The following PWWP2B variants were observed in gnomAD, a reference collection of about 807,000 sequenced individuals.
PWWP2B encodes PWWP domain containing 2B, also known as PWWP domain-containing protein 2B.
Under a neutral mutation model 15.5 loss-of-function variants are expected in PWWP2B, and 9 were observed. That is an observed-to-expected ratio of 0.58 (90% CI 0.35 to 1.02). PWWP2B has a LOEUF of 1.02. PWWP2B is among the 50% of genes least tolerant of loss of function. The pLI is 0.02. For synonymous variants in PWWP2B, 474 were observed against 403.6 expected (o/e 1.17, Z -2.09); for missense variants, 864 against 865.3 (o/e 1.00, Z 0.02).
intron 1 of PWWP2B, among the ~76,000 whole-genome samples, chr10:132,401,214 C>T (rs1356906569): frequency 3.9e-5 from 6 of 152,198 alleles, no homozygotes; most frequent in Admixed American, 6.5e-5. Flanking sequence ...GTGGCACTGG[C>T]GTACTTTTTG....
intron 2 of PWWP2B, among the ~76,000 whole-genome samples, chr10:132,406,743 G>A (rs188903363): frequency 2.0e-5 from 3 of 152,244 alleles, no homozygotes; most frequent in Admixed American, 6.5e-5. Context: ...CCTCCTGCAC[G>A]CGGATAGGCC....
chr10:132,405,322 C>T lies in PWWP2B; in HGVS notation c.822C>T (p.His274=), dbSNP rs199860315. 4.7e-5 allele frequency: 76 copies of T among 1,612,182 alleles called. No individual in the cohort carries two copies. In the East Asian group the frequency reaches 1.4e-3, roughly 31 times the overall value. Residue 274 remains histidine, a synonymous_variant, in exon 2 of 3, where the codon CAC becomes CAT. Transcript: ENST00000305233. ...TGGTCAAGATCCCCTCCCGCGTGCA[C>T]GGCTCTCTGGAGCCCTTCCGTCCCC... ...GEVVKIPSRV[H]GSLEPFRPQQ...
At chr10:132,415,751 A>ATG (rs1363940943) in intron 2 of PWWP2B, among the ~76,000 whole-genome samples, 1 of 152,020 alleles carries the variant, frequency 6.6e-6, no homozygotes, top group South Asian at 2.1e-4. Context: ...CCACACACAC[A>ATG]CAATGTTTGG....
intron 2 of PWWP2B, among the ~76,000 whole-genome samples, chr10:132,413,282 A>G (rs2069805454): frequency 6.6e-6 from 1 of 152,276 alleles, no homozygotes; most frequent in Admixed American, 6.5e-5. Flanking sequence ...ATATAACAAC[A>G]TAATGTCACA....
At chr10:132,397,416 G>A in intron 1 of PWWP2B, 65 bp downstream of exon 1, 1 of 1,152,536 alleles carries the variant, frequency 8.7e-7, no homozygotes, top group Non-Finnish European at 1.1e-6. Context: ...CCGCCGCCCG[G>A]AGACCCGGGA....
Position 132,404,801 on chromosome 10 carries a change from C to T in PWWP2B, c.301C>T (p.Pro101Ser). Residue 101 changes from proline to serine, a missense_variant, in exon 2 of 3, where the codon CCA (proline) becomes TCA (serine). This residue lies in a region of PWWP2B where 736 missense variants were observed against 687.7 expected (regional missense o/e 1.07). Transcript: ENST00000305233. ...VQPPETTRPE[P>S]PPPLVPPLPA... ...GCCCCCCGAGACCACCCGCCCCGAG[C>T]CACCCCCGCCCCTCGTGCCGCCGCT... 1 of 1,478,160 alleles carries T rather than the reference C, an allele frequency of 6.8e-7. No homozygotes were observed. Among genetic ancestry groups the T allele is most frequent in the South Asian group, 1.2e-5 (1 of 85,590 alleles). 91.6% of individuals were successfully genotyped at this position (1,478,160 alleles called of 1,614,324 possible).
Position 132,404,982 on chromosome 10 carries a change from CG to C in PWWP2B, c.486del (p.Arg163AlafsTer23). On this transcript the variant is annotated frameshift_variant, in exon 2 of 3. Transcript: ENST00000305233. LOFTEE classifies it high-confidence loss of function. ...CGGCGTCTGTCCCGCAACCGCGACCCGGGGCGCCTCATCCTCAGCACCATCC... is the reference window on the plus strand; with the variant it reads ...CGGCGTCTGTCCCGCAACCGCGACCCGGGCGCCTCATCCTCAGCACCATCC... ...TRRRLSRNRD[P>X]GRLILSTIRL... 1.9e-6 allele frequency: 3 copies of C among 1,573,088 alleles called. 1 individual carries two copies. The highest frequency in any genetic ancestry group is 2.6e-6 in the Non-Finnish European group (3 of 1,167,218).
At position 132,406,070 on chromosome 10, in the gene PWWP2B, C is replaced by A; in HGVS notation, c.1570C>A (p.Arg524=). 6.2e-7 allele frequency: 1 copy of A among 1,613,608 alleles called. No individual in the cohort carries two copies. Among genetic ancestry groups the A allele is most frequent in the Non-Finnish European group, 8.5e-7 (1 of 1,179,818 alleles). The part of the protein sequence containing the change: ...GQKEDGEPSW[R]EAKVSWFGSP... ...GAAGGAGGACGGAGAGCCGTCTTGG[C>A]GAGAAGCGAAGGTCTCGTGGTTTGG... Residue 524 remains arginine (R), a synonymous_variant, in exon 2 of 3, where the codon CGA becomes AGA. Transcript: ENST00000305233.
chr10:132,413,868 A>G (rs918098499), intron 2 of PWWP2B, among the ~76,000 whole-genome samples: 9 of 152,178 alleles, frequency 5.9e-5, no homozygotes, highest in Non-Finnish European at 4.4e-5. Context: ...TGGCCCAGGC[A>G]GGGAGGTGCT....
chr10:132,403,965 C>T (rs763281741), intron 1 of PWWP2B, among the ~76,000 whole-genome samples: 9 of 147,436 alleles, frequency 6.1e-5, no homozygotes, highest in African/African-American at 7.5e-5. Flanking sequence ...CCCAGACACA[C>T]GTCATGCACC....
chr10:132,409,584 G>A (rs1189829654), intron 2 of PWWP2B, among the ~76,000 whole-genome samples: 2 of 152,158 alleles, frequency 1.3e-5, no homozygotes, highest in African/African-American at 4.8e-5. Context: ...TCCTGCCCCT[G>A]TCCAGGCTCA....
chr10:132,402,994 G>A (rs549682824), intron 1 of PWWP2B, among the ~76,000 whole-genome samples: 3 of 152,372 alleles, frequency 2.0e-5, no homozygotes, highest in East Asian at 1.9e-4. Context: ...GGCACCGCCC[G>A]GGACTGGCCT....
rs569093934 is a variant in PWWP2B, at chr10:132,409,091, C to T, written c.*16+2802C>T. 6.6e-5 allele frequency among the ~76,000 whole-genome samples: 10 copies of T among 152,360 alleles called. No individual in the cohort carries two copies. The South Asian group carries it at 2.1e-3, about 32-fold the overall frequency. On this transcript the variant is annotated intron_variant, in intron 2 of 2. Coordinates refer to ENST00000305233, the MANE Select transcript of PWWP2B (RefSeq NM_138499.4). ...ACCTGCTGTTGCGGTCTCAGGGAGCCAACACCTCTGAGCCTGTTTGTTCAC... is the reference window on the plus strand; with the variant it reads ...ACCTGCTGTTGCGGTCTCAGGGAGCTAACACCTCTGAGCCTGTTTGTTCAC...
Position 132,401,765 on chromosome 10 carries a change from C to T in PWWP2B, c.126-2861C>T, listed in dbSNP as rs1242947828. 4.6e-5 allele frequency among the ~76,000 whole-genome samples: 7 copies of T among 152,270 alleles called. No homozygotes were observed. The East Asian group carries it at 7.7e-4, about 17-fold the overall frequency. ...CGTTCCCTGGTCTCGCTCGGCCTCA[C>T]TGGCCAATCTGCGAAATGGGAAGAC... On this transcript the variant is annotated intron_variant, in intron 1 of 2. Coordinates refer to ENST00000305233, the MANE Select transcript of PWWP2B (RefSeq NM_138499.4).
Position 132,401,748 on chromosome 10 carries a change from G to T in PWWP2B, c.126-2878G>T, listed in dbSNP as rs778144845. Among the ~76,000 whole-genome samples the T allele has an allele frequency of 2.6e-5, 4 of 152,252 alleles. No homozygotes were observed. The South Asian group carries it at 8.3e-4, about 31-fold the overall frequency. ...CACTCAGCCTGGAGGCACGTTCCCTGGTCTCGCTCGGCCTCACTGGCCAAT... is the reference window on the plus strand; with the variant it reads ...CACTCAGCCTGGAGGCACGTTCCCTTGTCTCGCTCGGCCTCACTGGCCAAT... On this transcript the variant is annotated intron_variant, in intron 1 of 2. Coordinates refer to ENST00000305233, the MANE Select transcript of PWWP2B (RefSeq NM_138499.4).
chr10:132,405,049 C>A lies in PWWP2B; in HGVS notation c.549C>A (p.Ser183Arg). The stretch of plus-strand genomic sequence containing the variant: ...AGGTGCTCTGTGAGAAGTGCAAGAG[C>A]ACGCTGAGCCCCCCGGAGGCCAGCC... Reference protein sequence around the residue: ...PRQVLCEKCKSTLSPPEASPG... With the variant: ...PRQVLCEKCKRTLSPPEASPG... The change falls in exon 2 of 3, where the codon AGC becomes AGA. Residue 183 changes from serine (S) to arginine (R), a missense_variant. Coordinates refer to ENST00000305233, the MANE Select transcript of PWWP2B (RefSeq NM_138499.4). The A allele has an allele frequency of 6.6e-7, 1 of 1,514,452 alleles. No homozygotes were observed. Among genetic ancestry groups the A allele is most frequent in the South Asian group, 1.2e-5 (1 of 81,656 alleles). The allele number at this position is 1,514,452 out of a possible 1,614,324, so 93.8% of individuals were successfully genotyped here.
rs117588106 is a variant in PWWP2B, at chr10:132,410,970, C to T, written c.*16+4681C>T. Among the ~76,000 whole-genome samples, 29 of 152,320 alleles carry T rather than the reference C, an allele frequency of 1.9e-4. No homozygotes were observed. The East Asian group carries it at 5.2e-3, about 27-fold the overall frequency. ...TTGGGGGCGTACCCAGCACAGCCTC[C>T]GTCAGCAGTTGGGAGCACGGGGTTT... On this transcript the variant is annotated intron_variant, in intron 2 of 2. Coordinates refer to ENST00000305233, the MANE Select transcript of PWWP2B (RefSeq NM_138499.4).
chr10:132,405,431 G>A lies in PWWP2B; in HGVS notation c.931G>A (p.Ala311Thr). Reference sequence around the variant, plus strand: ...GGACCGGCCGTCCTGCGCGCCCTCGGCCTCCATCCCCAAGTTGAAACTGAC... The same window carrying A: ...GGACCGGCCGTCCTGCGCGCCCTCGACCTCCATCCCCAAGTTGAAACTGAC... Reference protein sequence around the residue: ...SRDRPSCAPSASIPKLKLTRP... With the variant: ...SRDRPSCAPSTSIPKLKLTRP... Residue 311 changes from alanine to threonine, a missense_variant, in exon 2 of 3, where the codon GCC becomes ACC. By Grantham distance (58) the Ala-to-Thr change is moderately conservative (BLOSUM62 0). This residue lies in a region of PWWP2B where 736 missense variants were observed against 687.7 expected (regional missense o/e 1.07). Transcript: ENST00000305233. The A allele has an allele frequency of 6.2e-7, 1 of 1,609,942 alleles. No homozygotes were observed. Among genetic ancestry groups the A allele is most frequent in the South Asian group, 1.1e-5 (1 of 91,006 alleles).
In PWWP2B at chr10:132,406,056, G is replaced by A. The variant is rs764902596; in HGVS notation, c.1556G>A (p.Gly519Glu). The A allele has an allele frequency of 1.2e-5, 19 of 1,613,564 alleles. 1 individual carries two copies. In the South Asian group the frequency reaches 2.0e-4, roughly 17 times the overall value. The stretch of plus-strand genomic sequence containing the variant: ...ATCAGTCTCGGCCAGAAGGAGGACG[G>A]AGAGCCGTCTTGGCGAGAAGCGAAG... ...LDISLGQKEDGEPSWREAKVS... is the reference protein window; with the variant it reads ...LDISLGQKEDEEPSWREAKVS... The change falls in exon 2 of 3, where the codon GGA (glycine) becomes GAA (glutamate). Residue 519 changes from glycine (G) to glutamate (E), a missense_variant. Physicochemically the swap from Gly to Glu is moderately conservative, Grantham distance 98. Around this residue, in one of 2 missense-constraint regions of PWWP2B, gnomAD observed 128 missense variants for 177.6 expected, o/e 0.72. Transcript: ENST00000305233.
Sources: gnomAD v4.1 joint callset for allele counts (sites outside exome capture counted in the v4.1 genomes callset) on GRCh38, gnomAD v4.1.1 for gene constraint, gnomAD v4.1.1 regional missense constraint, MANE v1.5 for transcripts, NCBI Gene and HGNC (gene_info 2026-07-23, HGNC 2026-07-21) for gene names.